The following CLIP2 variants were observed in gnomAD, a reference collection of about 807,000 sequenced individuals.
The protein encoded by CLIP2 is CAP-Gly domain-containing linker protein 2.
CLIP2 carries 41 observed loss-of-function variants against 111.7 expected under a neutral mutation model. The ratio of observed to expected loss-of-function variants is 0.37; its 90% CI spans 0.29 to 0.48. CLIP2 has a LOEUF of 0.48. Among genes scored for constraint, CLIP2 ranks in the 20% least tolerant of loss-of-function variants. CLIP2 has a pLI of 0.99. For missense variants in CLIP2, 1,160 were observed against 1,422.1 expected, an observed-to-expected ratio of 0.82 and a Z score of 2.96; for synonymous variants, 660 against 644.2, an observed-to-expected ratio of 1.02 and a Z score of -0.37.
intron 2 of CLIP2, among the ~76,000 whole-genome samples, chr7:74,322,319 G>C (rs1403494406): frequency 6.7e-6 from 1 of 148,796 alleles, no homozygotes; most frequent in Non-Finnish European, 1.5e-5. Context: ...TTTTTTAAGA[G>C]ACAGGATCTT....
chr7:74,352,553 G>C (rs1554307749), intron 3 of CLIP2, among the ~76,000 whole-genome samples: 1 of 151,942 alleles, frequency 6.6e-6, no homozygotes, highest in Non-Finnish European at 1.5e-5. Flanking sequence ...CCTCATCTAT[G>C]AGTACTATCT....
intron 3 of CLIP2, among the ~76,000 whole-genome samples, chr7:74,342,985 A>C (rs562393227): frequency 6.6e-6 from 1 of 151,594 alleles, no homozygotes; most frequent in Non-Finnish European, 1.5e-5. Flanking sequence ...CAGTGAGCCA[A>C]GATGGTGCCA....
intron 8 of CLIP2, among the ~76,000 whole-genome samples, chr7:74,369,951 A>G (rs868970446): frequency 2.1e-4 from 13 of 61,312 alleles, no homozygotes; most frequent in East Asian, 5.0e-4. Flanking sequence ...CGAGGTCAGG[A>G]GCTCCAAACC....
At chr7:74,317,767 C>G in intron 2 of CLIP2, 100 bp downstream of exon 2, 1 of 1,283,300 alleles carries the variant, frequency 7.8e-7, no homozygotes. Flanking sequence ...TGTGACCAAT[C>G]TGATGGGGGA....
At chr7:74,385,900 G>A (rs1278158917) in intron 11 of CLIP2, among the ~76,000 whole-genome samples, 11 of 151,558 alleles carry the variant, frequency 7.3e-5, no homozygotes, top group African/African-American at 2.4e-4. Flanking sequence ...GCACCACCAC[G>A]CCCAGCTAAT....
Position 74,323,570 on chromosome 7 carries a change from G to A in CLIP2, c.121+5903G>A. ...AGCCTCCTGAGTAGCTGGGATTACA[G>A]GCACCCATCACCATACCTGGCTAAT... On this transcript the variant is annotated intron_variant, in intron 2 of 16. Coordinates refer to ENST00000223398, the MANE Select transcript of CLIP2 (RefSeq NM_003388.5). Among the ~76,000 whole-genome samples the A allele has an allele frequency of 1.3e-5, 2 of 152,040 alleles. 1 individual carries two copies. Among genetic ancestry groups the A allele is most frequent in the African/African-American group, 4.8e-5 (2 of 41,400 alleles).
At chr7:74,342,018 G>C (rs1789670066) in intron 3 of CLIP2, among the ~76,000 whole-genome samples, 1 of 152,156 alleles carries the variant, frequency 6.6e-6, no homozygotes. Context: ...CCTGGCATTG[G>C]CCTAGTGATG....
chr7:74,327,508 G>A (rs1401467143), intron 2 of CLIP2, among the ~76,000 whole-genome samples: 2 of 152,166 alleles, frequency 1.3e-5, no homozygotes, highest in African/African-American at 2.4e-5. Context: ...CACCCCCACA[G>A]AGGATGGTGC....
Position 74,372,983 on chromosome 7 carries a change from C to T in CLIP2, c.1432C>T (p.Leu478=). 6.3e-7 allele frequency: 1 copy of T among 1,598,232 alleles called. No individual in the cohort carries two copies. Among genetic ancestry groups the T allele is most frequent in the East Asian group, 2.3e-5 (1 of 44,172 alleles). Reference sequence around the variant, plus strand: ...CATTGGGGAGCTGGAACAGAGCCTGCTACTGGAGAAGGCGCAGGCCGAGCG... The same window carrying T: ...CATTGGGGAGCTGGAACAGAGCCTGTTACTGGAGAAGGCGCAGGCCGAGCG... The part of the protein sequence containing the change: ...ARIGELEQSL[L]LEKAQAERLL... The change falls in exon 9 of 17, where the codon CTA becomes TTA. Residue 478 remains leucine (L), a synonymous_variant. Transcript: ENST00000223398.
At chr7:74,393,715 C>T (rs1210935418) in intron 13 of CLIP2, among the ~76,000 whole-genome samples, 2 of 152,184 alleles carry the variant, frequency 1.3e-5, no homozygotes, top group African/African-American at 4.8e-5. Flanking sequence ...AATGCTACCT[C>T]CTTTCCTTCT....
chr7:74,346,175 C>A (rs1183268414), intron 3 of CLIP2, among the ~76,000 whole-genome samples: 3 of 152,006 alleles, frequency 2.0e-5, no homozygotes, highest in Non-Finnish European at 4.4e-5. Context: ...AGAGAGGGGT[C>A]TTGCTATGTT....
chr7:74,330,901 T>C (rs1789258495), intron 2 of CLIP2, among the ~76,000 whole-genome samples: 1 of 151,886 alleles, frequency 6.6e-6, no homozygotes, highest in African/African-American at 2.4e-5. Context: ...TATTTTTTCT[T>C]TTAAAACATA....
chr7:74,400,576 C>G (rs1554317401), intron 15 of CLIP2, 21 bp downstream of exon 15: 1 of 1,520,684 alleles, frequency 6.6e-7, no homozygotes, highest in South Asian at 1.2e-5. Context: ...GCTGACAGGG[C>G]CCACCAGGAG....
chr7:74,370,652 C>G (rs1437058234), intron 8 of CLIP2, among the ~76,000 whole-genome samples: 1 of 149,518 alleles, frequency 6.7e-6, no homozygotes, highest in Non-Finnish European at 1.5e-5. Flanking sequence ...ACCCCTGCCC[C>G]TAAGTTATCA....
At chr7:74,357,858 G>GCGAT (rs1179532691) in intron 6 of CLIP2, among the ~76,000 whole-genome samples, 1 of 151,262 alleles carries the variant, frequency 6.6e-6, no homozygotes. Flanking sequence ...CTCGGTTCAA[G>GCGAT]CGATTCTCCT....
chr7:74,401,696 A>T (rs1554317712), intron 16 of CLIP2, 129 bp downstream of exon 16: 1 of 939,130 alleles, frequency 1.1e-6, no homozygotes, highest in African/African-American at 1.6e-5. Flanking sequence ...AGGGTCCCTC[A>T]GGGAGGGTGC....
chr7:74,353,891 G>A lies in CLIP2; in HGVS notation c.690G>A (p.Thr230=), dbSNP rs528697373. Residue 230 remains threonine, a synonymous_variant, in exon 4 of 17, where the codon ACG becomes ACA. Transcript: ENST00000223398. The part of the protein sequence containing the change: ...RLGDRVLVGG[T]KTGVVRYVGE... ...CTGTGTGCCGACAGGTTGGCGGGAC[G>A]AAGACTGGCGTGGTGCGGTACGTGG... 39 of 1,614,202 alleles carry A rather than the reference G, an allele frequency of 2.4e-5. No homozygotes were observed. Among genetic ancestry groups the A allele is most frequent in the Middle Eastern group, 1.6e-4 (1 of 6,062 alleles).
At chr7:74,377,587 C>T (rs1407058724) in intron 10 of CLIP2, among the ~76,000 whole-genome samples, 7 of 152,180 alleles carry the variant, frequency 4.6e-5, no homozygotes, top group Admixed American at 4.6e-4. Context: ...CCCTATGTGA[C>T]TCCATTTCAC....
intron 1 of CLIP2, among the ~76,000 whole-genome samples, chr7:74,302,561 C>T (rs1788369391): frequency 6.6e-6 from 1 of 152,104 alleles, no homozygotes; most frequent in South Asian, 2.1e-4. Context: ...GCATGTGGGA[C>T]CGGAACCCAG....
Sources: allele counts gnomAD v4.1 joint callset (sites outside exome capture counted in the v4.1 genomes callset), GRCh38; gene constraint gnomAD v4.1.1; transcripts MANE v1.5; gene names NCBI Gene and HGNC (gene_info 2026-07-23, HGNC 2026-07-21).